The following PHACTR3 variants were observed in gnomAD, a reference collection of about 807,000 sequenced individuals.
PHACTR3 encodes phosphatase and actin regulator 3.
In PHACTR3, 16 loss-of-function variants were observed where a neutral mutation model predicts 66.8. The ratio of observed to expected loss-of-function variants is 0.24; its 90% CI spans 0.16 to 0.36. The LOEUF (loss-of-function observed/expected upper bound fraction) is 0.36. PHACTR3 is among the 10% of genes least tolerant of loss of function. The probability of loss-of-function intolerance (pLI) is 1.00; values close to 1 mark genes in which losing one functional copy is unlikely to be tolerated. For missense variants in PHACTR3, 647 were observed against 719.9 expected, an observed-to-expected ratio of 0.90 and a Z score of 1.16; for synonymous variants, 323 against 292.1, an observed-to-expected ratio of 1.11 and a Z score of -1.08.
At chr20:59,804,038 G>A (rs994606528) in intron 7 of PHACTR3, among the ~76,000 whole-genome samples, 1 of 152,180 alleles carries the variant, frequency 6.6e-6, no homozygotes, top group Non-Finnish European at 1.5e-5. Context: ...GTGGGTAGAA[G>A]GGTCACTCAA....
chr20:59,746,851 G>C (rs897338799), intron 2 of PHACTR3, among the ~76,000 whole-genome samples: 3 of 152,222 alleles, frequency 2.0e-5, no homozygotes, highest in Non-Finnish European at 4.4e-5. Context: ...GAAGACCCAG[G>C]TGAGGAGGCT....
chr20:59,652,756 A>G (rs1352916893), intron 1 of PHACTR3, among the ~76,000 whole-genome samples: 1 of 152,160 alleles, frequency 6.6e-6, no homozygotes, highest in Non-Finnish European at 1.5e-5. Context: ...CCTTGTAGAC[A>G]CGTCCACAAT....
intron 2 of PHACTR3, 48 bp from the exon 3 acceptor site, chr20:59,747,710 A>G (rs768702524): frequency 1.3e-6 from 2 of 1,597,864 alleles, no homozygotes; most frequent in Non-Finnish European, 1.7e-6. Flanking sequence ...GACAGGGCCC[A>G]GTGACACCTT....
chr20:59,633,478 A>G (rs577297752), intron 1 of PHACTR3, among the ~76,000 whole-genome samples: 1 of 152,312 alleles, frequency 6.6e-6, no homozygotes, highest in African/African-American at 2.4e-5. Context: ...AGAGAGGGGA[A>G]CAACCCACAC....
chr20:59,777,216 G>A (rs867619498), intron 7 of PHACTR3, among the ~76,000 whole-genome samples: 2 of 152,118 alleles, frequency 1.3e-5, no homozygotes, highest in African/African-American at 4.8e-5. Context: ...TGCAGGCAGG[G>A]CCCATCTGGA....
At chr20:59,646,446 A>T (rs374666279) in intron 1 of PHACTR3, among the ~76,000 whole-genome samples, 106 of 152,164 alleles carry the variant, frequency 7.0e-4, no homozygotes, top group African/African-American at 2.4e-3. Flanking sequence ...CCTTTTTTTT[A>T]AAATCAGTTT....
chr20:59,846,634 AAAT>A (rs2059152137), intron 12 of PHACTR3, among the ~76,000 whole-genome samples: 1 of 152,174 alleles, frequency 6.6e-6, no homozygotes, highest in South Asian at 2.1e-4. Flanking sequence ...TAGCTTTCTA[AAAT>A]AATGACTCTA....
intron 4 of PHACTR3, among the ~76,000 whole-genome samples, chr20:59,761,302 T>C (rs1222550005): frequency 6.6e-6 from 1 of 152,092 alleles, no homozygotes. Context: ...TGGTCCCAGC[T>C]ACCCCTGGGG....
chr20:59,780,051 C>T (rs532600143), intron 7 of PHACTR3, among the ~76,000 whole-genome samples: 5 of 152,260 alleles, frequency 3.3e-5, no homozygotes, highest in African/African-American at 4.8e-5. Flanking sequence ...CAGCTCTGGG[C>T]GCAGTAGAAA....
At chr20:59,591,224 G>A (rs913732316) in intron 1 of PHACTR3, among the ~76,000 whole-genome samples, 3 of 152,086 alleles carry the variant, frequency 2.0e-5, no homozygotes, top group Non-Finnish European at 4.4e-5. Context: ...CTCGTCCCTC[G>A]CACGGACACA....
chr20:59,803,747 A>T (rs1042586026), intron 7 of PHACTR3, among the ~76,000 whole-genome samples: 62 of 152,138 alleles, frequency 4.1e-4, no homozygotes, highest in Admixed American at 1.1e-3. Flanking sequence ...TCAATTTCTT[A>T]CTTTTATGAA....
chr20:59,622,614 A>G (rs1179490819), intron 1 of PHACTR3, among the ~76,000 whole-genome samples: 2 of 152,076 alleles, frequency 1.3e-5, no homozygotes, highest in Non-Finnish European at 2.9e-5. Context: ...CCTGTTTGCT[A>G]GGGAGGCCCA....
intron 1 of PHACTR3, among the ~76,000 whole-genome samples, chr20:59,642,926 T>A (rs1310603549): frequency 6.6e-6 from 1 of 152,134 alleles, no homozygotes; most frequent in Non-Finnish European, 1.5e-5. Flanking sequence ...GTTTGTTTGT[T>A]TTTGAGACAG....
At chr20:59,827,274 A>G (rs2042220468) in intron 8 of PHACTR3, among the ~76,000 whole-genome samples, 1 of 152,010 alleles carries the variant, frequency 6.6e-6, no homozygotes, top group South Asian at 2.1e-4. Context: ...AGCCCTTGGA[A>G]CACCCGGCTC....
intron 1 of PHACTR3, among the ~76,000 whole-genome samples, chr20:59,585,268 C>G (rs765217651): frequency 2.0e-5 from 3 of 152,148 alleles, no homozygotes; most frequent in Non-Finnish European, 4.4e-5. Context: ...GGTGCAAAGC[C>G]ACGTTGCAAG....
At position 59,736,191 on chromosome 20, in the gene PHACTR3, G is replaced by A. The variant is rs1249705756; in HGVS notation, c.119-6916G>A. On this transcript the variant is annotated intron_variant, in intron 1 of 12. Transcript: ENST00000371015. The surrounding 1 kb of genome is among the most constrained non-coding windows in gnomAD (Gnocchi z 4.6). ...GTGTGTAGCACTTCCTCACACAGATGCCAGGTGTGACAGACATTTCCCATT... is the reference window on the plus strand; with the variant it reads ...GTGTGTAGCACTTCCTCACACAGATACCAGGTGTGACAGACATTTCCCATT... Among the ~76,000 whole-genome samples, 2 of 152,148 alleles carry A rather than the reference G, an allele frequency of 1.3e-5. No homozygotes were observed. The highest frequency in any genetic ancestry group is 2.9e-5 in the Non-Finnish European group (2 of 68,012).
intron 8 of PHACTR3, among the ~76,000 whole-genome samples, chr20:59,834,908 A>G (rs763093503): frequency 2.0e-4 from 30 of 152,180 alleles, no homozygotes; most frequent in Non-Finnish European, 2.5e-4. Flanking sequence ...AAATACACTA[A>G]CGATAGGTGA....
chr20:59,747,220 C>T (rs1391803491), intron 2 of PHACTR3, among the ~76,000 whole-genome samples: 2 of 152,178 alleles, frequency 1.3e-5, no homozygotes, highest in Non-Finnish European at 2.9e-5. Context: ...TGGCCTCCTC[C>T]CTTCCTGTCC....
intron 7 of PHACTR3, among the ~76,000 whole-genome samples, chr20:59,797,686 T>C (rs2146972097): frequency 6.6e-6 from 1 of 152,312 alleles, no homozygotes; most frequent in African/African-American, 2.4e-5. Context: ...AGTGTTAGTT[T>C]CCTCATTGGC....
Sources: gnomAD v4.1 joint callset for allele counts (sites outside exome capture counted in the v4.1 genomes callset) on GRCh38, gnomAD v4.1.1 for gene constraint, Gnocchi (gnomAD v3.1) non-coding constraint, MANE v1.5 for transcripts, NCBI Gene and HGNC (gene_info 2026-07-23, HGNC 2026-07-21) for gene names.